The following GPRIN3 variants were observed in gnomAD, a reference collection of about 807,000 sequenced individuals.
The protein encoded by GPRIN3 is GPRIN family member 3.
Under a neutral mutation model 13.7 loss-of-function variants are expected in GPRIN3, and 12 were observed. That is an observed-to-expected ratio of 0.87 (90% CI 0.56 to 1.42). The LOEUF is 1.42. Ranked by LOEUF, GPRIN3 falls within the 40% of genes most tolerant of loss-of-function variation. The pLI is 0.00. For missense variants in GPRIN3, 1,009 were observed against 958.7 expected (o/e 1.05, Z -0.69); for synonymous variants, 377 against 372.7 (o/e 1.01, Z -0.13).
chr4:89,268,823 A>G (rs949295565), intron 1 of GPRIN3, among the ~76,000 whole-genome samples: 2 of 152,080 alleles, frequency 1.3e-5, no homozygotes, highest in African/African-American at 2.4e-5. Context: ...GAATATTCAC[A>G]CCCCAGAATT....
At chr4:89,305,885 T>C (rs1284344183) in intron 1 of GPRIN3, among the ~76,000 whole-genome samples, 2 of 152,206 alleles carry the variant, frequency 1.3e-5, no homozygotes, top group African/African-American at 4.8e-5. Context: ...ACTTCCCATG[T>C]GAAGCTGATG....
intron 1 of GPRIN3, among the ~76,000 whole-genome samples, chr4:89,288,810 A>G (rs142557500): frequency 1.1e-4 from 16 of 152,318 alleles, no homozygotes; most frequent in African/African-American, 3.6e-4. Context: ...AATAAATTTC[A>G]ATAACAGTAC....
intron 1 of GPRIN3, among the ~76,000 whole-genome samples, chr4:89,287,287 A>G (rs4693991): frequency 0.75 from 114,080 of 152,102 alleles, 43,443 homozygotes; most frequent in Non-Finnish European, 0.83. Context: ...ACATTAGGAT[A>G]AATTTAAAAG....
intron 1 of GPRIN3, among the ~76,000 whole-genome samples, chr4:89,267,756 A>T (rs1437595076): frequency 6.6e-6 from 1 of 152,142 alleles, no homozygotes; most frequent in Non-Finnish European, 1.5e-5. Context: ...TTTGAGTTGG[A>T]CTTTAAATGA....
chr4:89,270,146 A>T (rs1333548575), intron 1 of GPRIN3, among the ~76,000 whole-genome samples: 2 of 152,184 alleles, frequency 1.3e-5, no homozygotes, highest in Non-Finnish European at 2.9e-5. Flanking sequence ...TGATGAATTT[A>T]TTCACCATAA....
chr4:89,254,923 T>C (rs892422443), intron 1 of GPRIN3, among the ~76,000 whole-genome samples: 4 of 152,194 alleles, frequency 2.6e-5, no homozygotes, highest in African/African-American at 9.7e-5. Context: ...CTATTTATTG[T>C]TAAGGTTTGC....
chr4:89,300,493 C>G (rs1393028608), intron 1 of GPRIN3, among the ~76,000 whole-genome samples: 2 of 152,170 alleles, frequency 1.3e-5, no homozygotes, highest in Non-Finnish European at 2.9e-5. Flanking sequence ...AAAATAAATA[C>G]CTGGAGGCCA....
At chr4:89,250,438 C>T (rs1459112038) in intron 1 of GPRIN3, 9 of 197,516 alleles carry the variant, frequency 4.6e-5, no homozygotes, top group African/African-American at 9.3e-5. Context: ...ATTATAATTA[C>T]GAAAATATTA....
chr4:89,250,425 A>C (rs1723296476), intron 1 of GPRIN3, 192 bp from the exon 2 acceptor site: 1 of 225,494 alleles, frequency 4.4e-6, no homozygotes, highest in African/African-American at 2.3e-5. Flanking sequence ...GATTTTGAAA[A>C]AAATTATAAT....
intron 1 of GPRIN3, among the ~76,000 whole-genome samples, chr4:89,276,133 AT>A (rs201459743): frequency 0.016 from 2,511 of 152,194 alleles, 27 homozygotes; most frequent in African/African-American, 0.022. Flanking sequence ...AATATAGGGT[AT>A]TTTTTTATGA....
chr4:89,295,776 C>A (rs1001565174), intron 1 of GPRIN3, among the ~76,000 whole-genome samples: 6 of 152,142 alleles, frequency 3.9e-5, no homozygotes, highest in African/African-American at 1.4e-4. Flanking sequence ...GTTCCACTTT[C>A]AGGGACTGTG....
chr4:89,271,530 G>C lies in GPRIN3; in HGVS notation c.-123-21297C>G, dbSNP rs139939294. 1.0e-3 allele frequency among the ~76,000 whole-genome samples: 159 copies of C among 152,180 alleles called. 1 individual carries two copies. The highest frequency in any genetic ancestry group is 3.7e-3 in the African/African-American group (153 of 41,530). ...GATTACTTATAATACCAAATACAAT[G>C]TAAATGCTATGTAAAGAGTTGTTAT... On this transcript the variant is annotated intron_variant, in intron 1 of 1. Coordinates refer to ENST00000609438, the MANE Select transcript of GPRIN3 (RefSeq NM_198281.3).
At chr4:89,290,762 T>A (rs1724549332) in intron 1 of GPRIN3, among the ~76,000 whole-genome samples, 1 of 152,188 alleles carries the variant, frequency 6.6e-6, no homozygotes. Flanking sequence ...GCAGGATTTC[T>A]CATTTAATAA....
At chr4:89,305,133 T>A (rs1473418565) in intron 1 of GPRIN3, among the ~76,000 whole-genome samples, 1 of 152,190 alleles carries the variant, frequency 6.6e-6, no homozygotes, top group Admixed American at 6.5e-5. Flanking sequence ...CCTGCTGCCC[T>A]CTCCATTCTC....
At chr4:89,303,863 T>C (rs1249127796) in intron 1 of GPRIN3, among the ~76,000 whole-genome samples, 3 of 148,908 alleles carry the variant, frequency 2.0e-5, no homozygotes, top group Admixed American at 1.4e-4. Context: ...ATACTTTAAA[T>C]ATACACAATG....
intron 1 of GPRIN3, among the ~76,000 whole-genome samples, chr4:89,293,261 G>C (rs962696513): frequency 2.6e-5 from 4 of 152,208 alleles, no homozygotes; most frequent in Admixed American, 2.6e-4. Context: ...TTATGGGCTA[G>C]CATCCTCTAT....
intron 1 of GPRIN3, among the ~76,000 whole-genome samples, chr4:89,304,478 A>AT (rs1173219579): frequency 2.6e-5 from 4 of 152,076 alleles, no homozygotes; most frequent in Non-Finnish European, 5.9e-5. Flanking sequence ...TTAGTATTTT[A>AT]TTTTTCAAAA....
At position 89,244,955 on chromosome 4, in the gene GPRIN3, G is replaced by C. The variant is rs1723049430; in HGVS notation, c.*2825C>G. The C allele has an allele frequency of 6.6e-6, 1 of 152,192 alleles. No homozygotes were observed. Among genetic ancestry groups the C allele is most frequent in the Non-Finnish European group, 1.5e-5 (1 of 68,028 alleles). 9.4% of individuals were successfully genotyped at this position (152,192 alleles called of 1,614,324 possible). ...ACCCAATGTGTGTCATGCAGGTAAA[G>C]TAAGGAAAAAACTGAGCAAGTTCCA... On this transcript the variant is annotated 3_prime_UTR_variant, in exon 2 of 2. Coordinates refer to ENST00000609438, the MANE Select transcript of GPRIN3 (RefSeq NM_198281.3).
intron 1 of GPRIN3, among the ~76,000 whole-genome samples, chr4:89,269,981 A>T (rs1291000877): frequency 6.6e-6 from 1 of 152,210 alleles, no homozygotes; most frequent in Admixed American, 6.5e-5. Flanking sequence ...ATAATGTGCA[A>T]ATCTTGAGTA....
Sources: allele counts gnomAD v4.1 joint callset (sites outside exome capture counted in the v4.1 genomes callset), GRCh38; gene constraint gnomAD v4.1.1; transcripts MANE v1.5; gene names NCBI Gene and HGNC (gene_info 2026-07-23, HGNC 2026-07-21).